SCYL2: variants seen among roughly 807,000 people sequenced by gnomAD.
SCYL2 encodes SCY1-like protein 2.
SCYL2 carries 36 observed loss-of-function variants against 100.4 expected under a neutral mutation model. That is an observed-to-expected ratio of 0.36 (90% CI 0.27 to 0.47). SCYL2 has a LOEUF of 0.47. Among genes scored for constraint, SCYL2 ranks in the 20% least tolerant of loss-of-function variants. SCYL2 has a pLI of 1.00. For synonymous variants in SCYL2, 330 were observed against 359.2 expected (o/e 0.92, Z 0.92); for missense variants, 902 against 1,083.9 (o/e 0.83, Z 2.36).
intron 1 of SCYL2, among the ~76,000 whole-genome samples, chr12:100,268,747 A>T (rs932630444): frequency 6.6e-6 from 1 of 152,192 alleles, no homozygotes; most frequent in Non-Finnish European, 1.5e-5. Context: ...TTTGAAATTC[A>T]TGATATACCT....
At chr12:100,279,361 C>T (rs367934840) in intron 1 of SCYL2, among the ~76,000 whole-genome samples, 1 of 152,200 alleles carries the variant, frequency 6.6e-6, no homozygotes, top group Non-Finnish European at 1.5e-5. Flanking sequence ...GCTCGCCTAC[C>T]GCTCACCTCC....
chr12:100,329,151 A>G (rs371658060), intron 12 of SCYL2, 50 bp from the exon 13 acceptor site: 7 of 880,834 alleles, frequency 7.9e-6, no homozygotes, highest in East Asian at 7.4e-5. Context: ...CATGATTTCT[A>G]TGAATTTATG....
chr12:100,311,471 A>C (rs183955239), intron 5 of SCYL2, among the ~76,000 whole-genome samples: 50 of 152,218 alleles, frequency 3.3e-4, no homozygotes, highest in African/African-American at 1.2e-3. Context: ...GCAATAACAC[A>C]TGTGACTCTC....
At chr12:100,310,935 C>G in intron 4 of SCYL2, 109 bp from the exon 5 acceptor site, 2 of 1,086,256 alleles carry the variant, frequency 1.8e-6, no homozygotes, top group Non-Finnish European at 2.5e-6. Flanking sequence ...TTAGCTGACA[C>G]GCAAAACTTT....
intron 4 of SCYL2, among the ~76,000 whole-genome samples, 187 bp from the exon 5 acceptor site, chr12:100,310,857 A>G (rs1391918311): frequency 1.3e-5 from 2 of 152,158 alleles, no homozygotes; most frequent in Admixed American, 6.6e-5. Flanking sequence ...TTTCTCACTA[A>G]TCTTCAGATT....
chr12:100,276,281 A>G (rs1170674813), intron 1 of SCYL2, among the ~76,000 whole-genome samples: 1 of 152,082 alleles, frequency 6.6e-6, no homozygotes. Flanking sequence ...TAGAATCTGT[A>G]GAATTTCTGT....
chr12:100,281,848 A>C (rs1428411995), intron 1 of SCYL2, among the ~76,000 whole-genome samples: 1 of 151,942 alleles, frequency 6.6e-6, no homozygotes, highest in African/African-American at 2.4e-5. Context: ...AAAAAAAAAA[A>C]AAGAAAGTAC....
In SCYL2 at chr12:100,329,162, G is replaced by T. The variant is rs374007658; in HGVS notation, c.1643-39G>T. On this transcript the variant is annotated intron_variant, in intron 12 of 17. Transcript: ENST00000360820. Reference sequence around the variant, plus strand: ...TTTTCATGATTTCTATGAATTTATGGTGTTAACTTATAAAATTTGTCACAT... The same window carrying T: ...TTTTCATGATTTCTATGAATTTATGTTGTTAACTTATAAAATTTGTCACAT... The T allele has an allele frequency of 1.7e-5, 16 of 922,544 alleles. No homozygotes were observed. In the African/African-American group the frequency reaches 2.3e-4, roughly 13 times the overall value. 57.1% of individuals were successfully genotyped at this position (922,544 alleles called of 1,614,324 possible). A position where few individuals can be genotyped will look rare whatever the true frequency, so the allele number is the denominator to read the frequency against.
At chr12:100,294,387 C>CT (rs2096314973) in intron 3 of SCYL2, among the ~76,000 whole-genome samples, 4 of 95,972 alleles carry the variant, frequency 4.2e-5, no homozygotes, top group Non-Finnish European at 8.9e-5. Context: ...GGGGGGCTGA[C>CT]CCCCCCACCT....
At chr12:100,273,745 T>G (rs2096289880) in intron 1 of SCYL2, among the ~76,000 whole-genome samples, 1 of 152,208 alleles carries the variant, frequency 6.6e-6, no homozygotes, top group South Asian at 2.1e-4. Context: ...CCCCCCTTAC[T>G]TTATAGTTTT....
At chr12:100,303,204 C>G (rs1006574124) in intron 4 of SCYL2, among the ~76,000 whole-genome samples, 13 of 152,100 alleles carry the variant, frequency 8.5e-5, no homozygotes, top group African/African-American at 3.1e-4. Context: ...GCTCCTTTAG[C>G]TCGGAGGAGT....
intron 14 of SCYL2, 61 bp from the exon 15 acceptor site, chr12:100,335,564 A>G: frequency 8.3e-7 from 1 of 1,201,038 alleles, no homozygotes; most frequent in Non-Finnish European, 1.2e-6. Context: ...AATTTTTGGC[A>G]TGAGTATTTA....
At chr12:100,315,762 A>G (rs1566363610) in intron 9 of SCYL2, 28 bp downstream of exon 9, 5 of 1,535,046 alleles carry the variant, frequency 3.3e-6, no homozygotes, top group Non-Finnish European at 4.4e-6. Context: ...TTGTGTATTT[A>G]TCTACTGTTA....
In SCYL2 at chr12:100,337,457, A is replaced by G; in HGVS notation, c.2096A>G (p.Gln699Arg). 6.2e-7 allele frequency: 1 copy of G among 1,612,668 alleles called. No homozygotes were observed. Among genetic ancestry groups the G allele is most frequent in the Non-Finnish European group, 8.5e-7 (1 of 1,179,546 alleles). Residue 699 changes from glutamine to arginine, a missense_variant, in exon 17 of 18, where the codon CAG becomes CGG. Gln to Arg is a conservative substitution (Grantham distance 43). Transcript: ENST00000360820. Reference protein sequence around the residue: ...EQEQAQKLKSQQPLKPQVHTP... With the variant: ...EQEQAQKLKSRQPLKPQVHTP... ...GAGCAGGCACAGAAGCTGAAAAGCC[A>G]GCAGCCTCTTAAACCCCAAGTGCAC...
intron 16 of SCYL2, 112 bp downstream of exon 16, chr12:100,336,018 T>TCA: frequency 1.3e-6 from 1 of 747,116 alleles, no homozygotes; most frequent in Non-Finnish European, 2.2e-6. Context: ...GAAACATTTG[T>TCA]AATTATCTTT....
intron 10 of SCYL2, among the ~76,000 whole-genome samples, chr12:100,320,196 T>A (rs2096354013): frequency 6.6e-6 from 1 of 152,156 alleles, no homozygotes; most frequent in African/African-American, 2.4e-5. Context: ...GGTTTGATTT[T>A]GTGTTTTGCA....
At chr12:100,300,876 T>G (rs1460110429) in intron 4 of SCYL2, among the ~76,000 whole-genome samples, 1 of 152,238 alleles carries the variant, frequency 6.6e-6, no homozygotes, top group Admixed American at 6.5e-5. Flanking sequence ...TGTACCATAT[T>G]TTCTGTATCT....
At chr12:100,323,377 CAA>C (rs2096358315) in intron 10 of SCYL2, 146 bp from the exon 11 acceptor site, 1 of 585,310 alleles carries the variant, frequency 1.7e-6, no homozygotes, top group African/African-American at 1.9e-5. Context: ...ATTCATTTTT[CAA>C]AGAGTTGTTG....
intron 16 of SCYL2, 22 bp downstream of exon 16, chr12:100,335,928 T>A (rs368117261): frequency 6.4e-7 from 1 of 1,569,362 alleles, no homozygotes. Context: ...TACTGTTCTT[T>A]CAGCCCTCTT....
Sources: allele counts gnomAD v4.1 joint callset (sites outside exome capture counted in the v4.1 genomes callset), GRCh38; gene constraint gnomAD v4.1.1; transcripts MANE v1.5; gene names NCBI Gene and HGNC (gene_info 2026-07-23, HGNC 2026-07-21).